The following LAMC2 variants were observed in gnomAD, a reference collection of about 807,000 sequenced individuals.
The protein encoded by LAMC2 is laminin subunit gamma 2.
A neutral mutation model predicts 140.2 loss-of-function variants in LAMC2; 97 were observed. That is an observed-to-expected ratio of 0.69 (90% CI 0.59 to 0.82). LAMC2 has a LOEUF of 0.82. Ranked by LOEUF, LAMC2 falls within the 40% of genes least tolerant of loss-of-function variation. LAMC2 has a pLI of 0.00. For synonymous variants in LAMC2, 513 were observed against 540.2 expected (o/e 0.95, Z 0.70); for missense variants, 1,402 against 1,476.1 (o/e 0.95, Z 0.82).
At chr1:183,191,430 T>C (rs1175149655) in intron 1 of LAMC2, among the ~76,000 whole-genome samples, 2 of 152,092 alleles carry the variant, frequency 1.3e-5, no homozygotes, top group African/African-American at 4.8e-5. Context: ...AGTTAAGGTG[T>C]TGAGAGAATC....
At position 183,243,380 on chromosome 1, in the gene LAMC2, C is replaced by G; in HGVS notation, c.3562C>G (p.Gln1188Glu). ...DNLPPGCYNTQALEQQ is the reference protein window; with the variant it reads ...DNLPPGCYNTEALEQQ ...CCTGCCCCCAGGCTGCTACAATACC[C>G]AGGCTCTTGAGCAACAGTGAAGCTG... Residue 1188 changes from glutamine (Q) to glutamate (E), a missense_variant, in exon 23 of 23, where the codon CAG (glutamine) becomes GAG (glutamate). Gln to Glu is a conservative substitution (Grantham distance 29). Around this residue, in one of 3 missense-constraint regions of LAMC2, gnomAD observed 670 missense variants for 667.2 expected, o/e 1.00. Coordinates refer to ENST00000264144, the MANE Select transcript of LAMC2 (RefSeq NM_005562.3). 1 of 1,614,220 alleles carries G rather than the reference C, an allele frequency of 6.2e-7. No homozygotes were observed. Among genetic ancestry groups the G allele is most frequent in the Non-Finnish European group, 8.5e-7 (1 of 1,180,028 alleles).
chr1:183,215,695 G>T, intron 3 of LAMC2, 107 bp downstream of exon 3: 2 of 1,334,960 alleles, frequency 1.5e-6, no homozygotes, highest in Non-Finnish European at 2.2e-6. Context: ...GCCAAACACT[G>T]CTTTGAGAGT....
At chr1:183,207,705 C>T (rs1354304204) in intron 1 of LAMC2, among the ~76,000 whole-genome samples, 176 bp from the exon 2 acceptor site, 1 of 152,108 alleles carries the variant, frequency 6.6e-6, no homozygotes, top group African/African-American at 2.4e-5. Context: ...AGCAGGCGTC[C>T]CCGGGGTCCC....
In LAMC2 at chr1:183,229,400, G is replaced by A. The variant is rs76536332; in HGVS notation, c.1714+781G>A. The stretch of plus-strand genomic sequence containing the variant: ...ACCTGCAGTCCCAGCACTTTGGGAA[G>A]CTGAGGTGGGTGGATCACCTGAGGT... On this transcript the variant is annotated intron_variant, in intron 11 of 22. Coordinates refer to ENST00000264144, the MANE Select transcript of LAMC2 (RefSeq NM_005562.3). Among the ~76,000 whole-genome samples, 323 of 152,230 alleles carry A rather than the reference G, an allele frequency of 2.1e-3. 6 individuals are homozygous for A. In the East Asian group the frequency reaches 0.054, roughly 25 times the overall value.
chr1:183,236,193 C>T (rs1250021008), intron 16 of LAMC2, among the ~76,000 whole-genome samples: 1 of 151,846 alleles, frequency 6.6e-6, no homozygotes, highest in Non-Finnish European at 1.5e-5. Flanking sequence ...TAACTACATA[C>T]TTTCAAGACA....
At chr1:183,209,237 T>C (rs1571513113) in intron 2 of LAMC2, among the ~76,000 whole-genome samples, 1 of 152,208 alleles carries the variant, frequency 6.6e-6, no homozygotes, top group Admixed American at 6.5e-5. Flanking sequence ...CATCCTGTGA[T>C]AAATATTGAT....
chr1:183,208,196 A>G, intron 2 of LAMC2, 127 bp downstream of exon 2: 1 of 929,914 alleles, frequency 1.1e-6, no homozygotes, highest in African/African-American at 1.6e-5. Flanking sequence ...AGGGAAAGCA[A>G]GCAGGCCAAG....
chr1:183,237,467 C>A lies in LAMC2; in HGVS notation c.2717C>A (p.Ala906Glu), dbSNP rs764316565. ...QKNLGNWKEEAQQLLQNGKSG... is the reference protein window; with the variant it reads ...QKNLGNWKEEEQQLLQNGKSG... ...AATCTGGGAAACTGGAAAGAAGAAG[C>A]ACAGCAGCTCTTACAGAATGGAAAA... The change falls in exon 18 of 23, where the codon GCA becomes GAA. Residue 906 changes from alanine (A) to glutamate (E), a missense_variant. Ala to Glu is a moderately radical substitution (Grantham distance 107). This residue lies in a region of LAMC2 where 670 missense variants were observed against 667.2 expected (regional missense o/e 1.00). Coordinates refer to ENST00000264144, the MANE Select transcript of LAMC2 (RefSeq NM_005562.3). 24 of 1,614,012 alleles carry A rather than the reference C, an allele frequency of 1.5e-5. No individual in the cohort carries two copies. Among genetic ancestry groups the A allele is most frequent in the African/African-American group, 6.7e-5 (5 of 74,922 alleles).
chr1:183,198,140 CTTT>C (rs11338377), intron 1 of LAMC2, among the ~76,000 whole-genome samples: 3 of 138,182 alleles, frequency 2.2e-5, no homozygotes. Flanking sequence ...TTTTTTCTTT[CTTT>C]TTTTTTTTTT....
At chr1:183,206,353 C>T (rs533604985) in intron 1 of LAMC2, among the ~76,000 whole-genome samples, 31 of 152,078 alleles carry the variant, frequency 2.0e-4, no homozygotes, top group Non-Finnish European at 3.7e-4. Flanking sequence ...ATTAGATGTA[C>T]GTGGTCACCG....
chr1:183,194,938 T>G (rs148190950), intron 1 of LAMC2, among the ~76,000 whole-genome samples: 1,581 of 152,276 alleles, frequency 0.01, 13 homozygotes, highest in Middle Eastern at 0.02. Flanking sequence ...TCATATAGAA[T>G]CTTACCACAA....
At chr1:183,256,097 T>G in the LAMC2 span, among the ~76,000 whole-genome samples, 1 of 152,034 alleles carries the variant, frequency 6.6e-6, no homozygotes, top group East Asian at 1.9e-4. Flanking sequence ...TAGCTGTGGG[T>G]TTTTTAAAAA....
intron 1 of LAMC2, among the ~76,000 whole-genome samples, chr1:183,196,421 G>A (rs1459191252): frequency 6.6e-6 from 1 of 152,236 alleles, no homozygotes; most frequent in African/African-American, 2.4e-5. Flanking sequence ...ACAGGCATGA[G>A]CCACTGTGCC....
chr1:183,258,856 T>C, the LAMC2 span, among the ~76,000 whole-genome samples: 1 of 152,278 alleles, frequency 6.6e-6, no homozygotes, highest in African/African-American at 2.4e-5. Flanking sequence ...CTCTGACCAA[T>C]CCGCACTCCT....
chr1:183,239,739 G>GTT lies in LAMC2; in HGVS notation c.3069+182_3069+183dup, dbSNP rs967295615. ...AAAGACGCATGACAGAGAATGATGTGTTTTTTTGTCCTCCGGGTTTTCCCA... is the reference window on the plus strand; with the variant it reads ...AAAGACGCATGACAGAGAATGATGTGTTTTTTTTTGTCCTCCGGGTTTTCCCA... On this transcript the variant is annotated intron_variant, in intron 20 of 22. Coordinates refer to ENST00000264144, the MANE Select transcript of LAMC2 (RefSeq NM_005562.3). The GTT allele has an allele frequency of 1.7e-5, 11 of 660,762 alleles. No homozygotes were observed. The African/African-American group carries it at 1.8e-4, about 11-fold the overall frequency. 40.9% of individuals were successfully genotyped at this position (660,762 alleles called of 1,614,324 possible).
chr1:183,238,450 A>G, intron 19 of LAMC2, 29 bp downstream of exon 19: 2 of 1,456,296 alleles, frequency 1.4e-6, no homozygotes, highest in Non-Finnish European at 1.9e-6. Flanking sequence ...AGGTCACTTG[A>G]GTATTTTAAG....
chr1:183,221,445 C>T (rs1004947499), intron 5 of LAMC2, among the ~76,000 whole-genome samples: 44 of 152,060 alleles, frequency 2.9e-4, no homozygotes, highest in African/African-American at 5.6e-4. Context: ...AGACTGGACC[C>T]GGGCCAAGCG....
downstream of LAMC2, chr1:183,248,871 C>G (rs200698655): frequency 1.3e-5 from 2 of 151,218 alleles, no homozygotes; most frequent in South Asian, 4.2e-4. Flanking sequence ...ACATGCTTCT[C>G]TCTCTTAGTC....
the LAMC2 span, chr1:183,252,729 T>G: frequency 6.2e-7 from 1 of 1,613,886 alleles, no homozygotes; most frequent in Non-Finnish European, 8.5e-7. Context: ...GCCGTCCCCA[T>G]GCTGCAGGGC....
Sources: allele counts gnomAD v4.1 joint callset (sites outside exome capture counted in the v4.1 genomes callset), GRCh38; gene constraint gnomAD v4.1.1; regional missense constraint gnomAD v4.1.1; transcripts MANE v1.5; gene names NCBI Gene and HGNC (gene_info 2026-07-23, HGNC 2026-07-21).